Variants in PITPNA observed in about 807,000 individuals in gnomAD.
The protein encoded by PITPNA is phosphatidylinositol transfer protein alpha.
PITPNA carries 13 observed loss-of-function variants against 50.3 expected under a neutral mutation model. The ratio of observed to expected loss-of-function variants is 0.26; its 90% CI spans 0.17 to 0.41. PITPNA has a LOEUF of 0.41. Ranked by LOEUF, PITPNA falls within the 10% of genes least tolerant of loss-of-function variation. The pLI is 1.00. For synonymous variants in PITPNA, 120 were observed against 119.6 expected, an observed-to-expected ratio of 1.00 and a Z score of -0.02; for missense variants, 207 against 333.4, an observed-to-expected ratio of 0.62 and a Z score of 2.95.
intron 7 of PITPNA, among the ~76,000 whole-genome samples, chr17:1,536,423 G>C (rs535681718): frequency 3.8e-4 from 56 of 147,854 alleles, no homozygotes; most frequent in Non-Finnish European, 6.1e-4. Flanking sequence ...CAGCAACTGG[G>C]ACGACAGGTG....
intron 2 of PITPNA, among the ~76,000 whole-genome samples, chr17:1,555,913 A>G (rs940754564): frequency 4.6e-5 from 7 of 152,210 alleles, no homozygotes; most frequent in Non-Finnish European, 1.0e-4. Context: ...CCCAGAAGCT[A>G]ATTCTGCCCC....
chr17:1,562,421 AC>A lies in PITPNA; in HGVS notation c.20+119del. 1 of 631,070 alleles carries A rather than the reference AC, an allele frequency of 1.6e-6. No individual in the cohort carries two copies. Among genetic ancestry groups the A allele is most frequent in the Non-Finnish European group, 2.2e-6 (1 of 461,990 alleles). The allele number at this position is 631,070 out of a possible 1,614,324, so 39.1% of individuals were successfully genotyped here. On this transcript the variant is annotated intron_variant, in intron 1 of 11. Transcript: ENST00000313486. This position sits in a 1 kb window ranked among gnomAD's most constrained non-coding sequence, Gnocchi z 6.4. ...CATCCCCGCTGGGCCCGCCTCAGGC[AC>A]CCTCCGTCCCTGCTGCCCCTCCGTC...
intron 10 of PITPNA, among the ~76,000 whole-genome samples, chr17:1,527,824 T>G (rs1312480003): frequency 6.6e-6 from 1 of 152,240 alleles, no homozygotes; most frequent in African/African-American, 2.4e-5. Context: ...CATAGATCTT[T>G]CCACGTTATT....
chr17:1,523,124 G>A (rs1042973995), intron 10 of PITPNA, among the ~76,000 whole-genome samples: 2 of 150,836 alleles, frequency 1.3e-5, no homozygotes, highest in Admixed American at 6.6e-5. Context: ...GAAGCACCAA[G>A]TGGTCCCTGT....
intron 10 of PITPNA, among the ~76,000 whole-genome samples, chr17:1,522,783 G>A (rs979187119): frequency 2.6e-5 from 4 of 152,234 alleles, no homozygotes; most frequent in Non-Finnish European, 5.9e-5. Context: ...GGGGCAGGAT[G>A]GGCAGAGAAC....
chr17:1,554,901 G>A (rs1221670049), intron 2 of PITPNA, among the ~76,000 whole-genome samples: 2 of 152,198 alleles, frequency 1.3e-5, no homozygotes, highest in African/African-American at 4.8e-5. Flanking sequence ...CTAATCCTAA[G>A]CTGCATCAGT....
Position 1,532,237 on chromosome 17 carries a change from G to A in PITPNA, c.768+1862C>T, listed in dbSNP as rs371429063. ...TGAGCAGCTGGGATTACAGGTGTCC[G>A]CCACCACGCCTGGCTAATTTTTTTT... On this transcript the variant is annotated intron_variant, in intron 10 of 11. Coordinates refer to ENST00000313486, the MANE Select transcript of PITPNA (RefSeq NM_006224.4). Among the ~76,000 whole-genome samples, 18 of 152,182 alleles carry A rather than the reference G, an allele frequency of 1.2e-4. No homozygotes were observed. The East Asian group carries it at 2.7e-3, about 23-fold the overall frequency.
Position 1,549,217 on chromosome 17 carries a change from A to T in PITPNA, c.198-830T>A, listed in dbSNP as rs181502194. ...CACCGCGCCCGGTCTCTTCTACTCAATTCTTATCTCAGGTTACAGAACAAC... is the reference window on the plus strand; with the variant it reads ...CACCGCGCCCGGTCTCTTCTACTCATTTCTTATCTCAGGTTACAGAACAAC... On this transcript the variant is annotated intron_variant, in intron 3 of 11. Coordinates refer to ENST00000313486, the MANE Select transcript of PITPNA (RefSeq NM_006224.4). Among the ~76,000 whole-genome samples the T allele has an allele frequency of 4.6e-4, 68 of 146,598 alleles. 1 individual carries two copies. In the East Asian group the frequency reaches 0.013, roughly 28 times the overall value.
chr17:1,553,197 G>C, intron 2 of PITPNA, 48 bp from the exon 3 acceptor site: 1 of 1,599,940 alleles, frequency 6.3e-7, no homozygotes, highest in East Asian at 2.2e-5. Context: ...CCTTCTCAAC[G>C]GTTACACGTA....
At chr17:1,561,654 G>C (rs1335831734) in intron 1 of PITPNA, among the ~76,000 whole-genome samples, 1 of 152,090 alleles carries the variant, frequency 6.6e-6, no homozygotes, top group African/African-American at 2.4e-5. Context: ...GTCATCCCAA[G>C]CTTGTTCCAA....
At chr17:1,549,624 G>T (rs1404055777) in intron 3 of PITPNA, among the ~76,000 whole-genome samples, 1 of 144,302 alleles carries the variant, frequency 6.9e-6, no homozygotes, top group Non-Finnish European at 1.5e-5. Context: ...GGCCTAGAAA[G>T]ATTTTTTAAA....
In PITPNA at chr17:1,541,548, T is replaced by C. The variant is rs1328651742; in HGVS notation, c.372+18A>G. ...ACTCAAGACCTCACCCCTGGGGCTT[T>C]TGGGAACTACTACTCACATTCTCCT... On this transcript the variant is annotated intron_variant, in intron 6 of 11. Coordinates refer to ENST00000313486, the MANE Select transcript of PITPNA (RefSeq NM_006224.4). 6 of 1,594,808 alleles carry C rather than the reference T, an allele frequency of 3.8e-6. No homozygotes were observed. In the Admixed American group the frequency reaches 5.0e-5, roughly 13 times the overall value.
chr17:1,549,668 C>CT lies in PITPNA; in HGVS notation c.198-1282dup, dbSNP rs899282597. 4.9e-5 allele frequency among the ~76,000 whole-genome samples: 7 copies of CT among 142,600 alleles called. 1 individual carries two copies. Among genetic ancestry groups the CT allele is most frequent in the African/African-American group, 1.6e-4 (6 of 37,514 alleles). 93.6% of individuals were successfully genotyped at this position (142,600 alleles called of 152,430 possible). A position where few individuals can be genotyped will look rare whatever the true frequency, so the allele number is the denominator to read the frequency against. The stretch of plus-strand genomic sequence containing the variant: ...GAAAATGGTACATATATTCCTTTTC[C>CT]TTTTTTTTGTTTGTTTTTGTTTTTT... On this transcript the variant is annotated intron_variant, in intron 3 of 11. Transcript: ENST00000313486.
At chr17:1,533,959 C>A in intron 10 of PITPNA, 140 bp downstream of exon 10, 1 of 934,474 alleles carries the variant, frequency 1.1e-6, no homozygotes, top group Non-Finnish European at 1.7e-6. Context: ...CCACGTACTG[C>A]CCAGGATACC....
chr17:1,538,289 T>C (rs2075629688), intron 7 of PITPNA: 1 of 152,216 alleles, frequency 6.6e-6, no homozygotes, highest in South Asian at 2.1e-4. Flanking sequence ...CCTGAGCAAA[T>C]ACTTCTTGGG....
chr17:1,562,709 C>T lies in PITPNA; in HGVS notation c.-149G>A, dbSNP rs2075774781. On this transcript the variant is annotated 5_prime_UTR_variant, in exon 1 of 12. Coordinates refer to ENST00000313486, the MANE Select transcript of PITPNA (RefSeq NM_006224.4). This position sits in a 1 kb window ranked among gnomAD's most constrained non-coding sequence, Gnocchi z 6.4. ...TCCCCGCCGCCCTCGCCGCGGTCGC[C>T]GCGCCGGCTCCTGCCGCCCGGGCCT... The T allele has an allele frequency of 2.6e-6, 1 of 384,486 alleles. No individual in the cohort carries two copies. Among genetic ancestry groups the T allele is most frequent in the Non-Finnish European group, 3.6e-6 (1 of 274,826 alleles). The allele number at this position is 384,486 out of a possible 1,614,324, so 23.8% of individuals were successfully genotyped here.
intron 10 of PITPNA, among the ~76,000 whole-genome samples, chr17:1,523,021 T>G (rs992279399): frequency 2.0e-5 from 3 of 152,118 alleles, no homozygotes; most frequent in African/African-American, 7.2e-5. Flanking sequence ...GTGTCAGAAC[T>G]AGGCACAAGG....
intron 7 of PITPNA, among the ~76,000 whole-genome samples, chr17:1,536,079 C>T (rs1371794263): frequency 6.6e-6 from 1 of 152,184 alleles, no homozygotes; most frequent in Non-Finnish European, 1.5e-5. Context: ...AACCTATCCA[C>T]TACTGGTGAG....
At chr17:1,525,335 C>A (rs897927702) in intron 10 of PITPNA, among the ~76,000 whole-genome samples, 3 of 151,936 alleles carry the variant, frequency 2.0e-5, no homozygotes, top group East Asian at 1.9e-4. Context: ...TTATTTTATT[C>A]TTTCGTTCCA....
Sources: allele counts gnomAD v4.1 joint callset (sites outside exome capture counted in the v4.1 genomes callset), GRCh38; gene constraint gnomAD v4.1.1; non-coding constraint Gnocchi (gnomAD v3.1); transcripts MANE v1.5; gene names NCBI Gene and HGNC (gene_info 2026-07-23, HGNC 2026-07-21).